The following TENM2 variants were observed in gnomAD, a reference collection of about 807,000 sequenced individuals.
The protein encoded by TENM2 is teneurin transmembrane protein 2.
A neutral mutation model predicts 245.2 loss-of-function variants in TENM2; 52 were observed. The observed-to-expected ratio is 0.21, with a 90% CI of 0.17 to 0.27. The LOEUF (loss-of-function observed/expected upper bound fraction) is 0.27, where lower values mean the gene tolerates loss of function less well. Among genes scored for constraint, TENM2 ranks in the 10% least tolerant of loss-of-function variants. The pLI is 1.00. For synonymous variants in TENM2, 1,363 were observed against 1,438.9 expected (o/e 0.95, Z 1.19); for missense variants, 3,046 against 3,666.8 (o/e 0.83, Z 4.37).
At chr5:167,525,740 A>G (rs933109122) in intron 2 of TENM2, among the ~76,000 whole-genome samples, 6 of 152,128 alleles carry the variant, frequency 3.9e-5, no homozygotes, top group African/African-American at 1.4e-4. Context: ...CAGGAGCTCT[A>G]TGGTAGGAAT....
intron 2 of TENM2, among the ~76,000 whole-genome samples, chr5:167,768,617 G>C (rs988709031): frequency 6.6e-6 from 1 of 152,138 alleles, no homozygotes; most frequent in Non-Finnish European, 1.5e-5. Context: ...GGGATCCCAA[G>C]CTCTAAAGTT....
the TENM2 span, among the ~76,000 whole-genome samples, chr5:167,151,925 A>G: frequency 6.6e-6 from 1 of 152,190 alleles, no homozygotes; most frequent in East Asian, 1.9e-4. Flanking sequence ...AGCAGCTCCA[A>G]GTCGAAAGGA....
At chr5:167,611,206 A>T (rs1777458474) in intron 2 of TENM2, among the ~76,000 whole-genome samples, 1 of 152,134 alleles carries the variant, frequency 6.6e-6, no homozygotes, top group Non-Finnish European at 1.5e-5. Flanking sequence ...CCCTTTTCAG[A>T]TCAGACTAGC....
intron 4 of TENM2, among the ~76,000 whole-genome samples, chr5:167,964,728 T>C (rs1781260964): frequency 6.6e-6 from 1 of 152,126 alleles, no homozygotes; most frequent in Non-Finnish European, 1.5e-5. Flanking sequence ...AAGAGTGCTC[T>C]AGATCACAAA....
chr5:167,164,555 G>T, the TENM2 span, among the ~76,000 whole-genome samples: 1 of 152,182 alleles, frequency 6.6e-6, no homozygotes, highest in Non-Finnish European at 1.5e-5. Context: ...ACCATAGAAA[G>T]AATAGTTCAA....
At chr5:167,351,154 T>G (rs1581812131) in intron 1 of TENM2, among the ~76,000 whole-genome samples, 1 of 117,002 alleles carries the variant, frequency 8.5e-6, no homozygotes, top group Admixed American at 1.3e-4. Context: ...ACATATGGAT[T>G]ATATATATAT....
At chr5:167,358,549 T>C (rs1007449999) in intron 1 of TENM2, among the ~76,000 whole-genome samples, 16 of 151,860 alleles carry the variant, frequency 1.1e-4, no homozygotes, top group African/African-American at 3.1e-4. Context: ...TGCTTTCTCT[T>C]CTTCACTCCA....
At chr5:167,209,864 C>T in the TENM2 span, among the ~76,000 whole-genome samples, 1 of 152,096 alleles carries the variant, frequency 6.6e-6, no homozygotes, top group Non-Finnish European at 1.5e-5. Flanking sequence ...TGCTTCTCTT[C>T]CCTTATTCAA....
chr5:167,869,891 A>C (rs1274329833), intron 2 of TENM2, among the ~76,000 whole-genome samples: 1 of 152,246 alleles, frequency 6.6e-6, no homozygotes, highest in African/African-American at 2.4e-5. Context: ...CCAGGTATTG[A>C]AAATATTTTT....
chr5:168,053,367 C>A (rs1789272221), intron 6 of TENM2, among the ~76,000 whole-genome samples: 1 of 152,106 alleles, frequency 6.6e-6, no homozygotes, highest in Non-Finnish European at 1.5e-5. Flanking sequence ...ATAATGAGAT[C>A]CAATTTCCCT....
intron 2 of TENM2, among the ~76,000 whole-genome samples, chr5:167,622,253 T>C (rs543947668): frequency 1.3e-3 from 194 of 152,256 alleles, no homozygotes; most frequent in Non-Finnish European, 2.2e-3. Flanking sequence ...AGCACCCCTC[T>C]GGGCTATTCA....
At chr5:168,109,257 G>A (rs1488026328) in intron 9 of TENM2, among the ~76,000 whole-genome samples, 5 of 152,200 alleles carry the variant, frequency 3.3e-5, no homozygotes, top group Non-Finnish European at 7.3e-5. Flanking sequence ...CTTGGTATAT[G>A]CTTTGCAGAC....
chr5:167,246,388 C>T, the TENM2 span, among the ~76,000 whole-genome samples: 2 of 152,030 alleles, frequency 1.3e-5, no homozygotes, highest in African/African-American at 4.8e-5. Context: ...ATGTTTTCTA[C>T]AATGAGCATA....
the TENM2 span, among the ~76,000 whole-genome samples, chr5:167,143,129 T>C: frequency 6.6e-6 from 1 of 152,168 alleles, no homozygotes; most frequent in African/African-American, 2.4e-5. Flanking sequence ...CCTCAAATTG[T>C]GAATTAGGGC....
intron 19 of TENM2, 101 bp from the exon 22 acceptor site, chr5:168,211,633 G>A: frequency 1.4e-6 from 1 of 713,180 alleles, no homozygotes; most frequent in Non-Finnish European, 2.3e-6. Flanking sequence ...TGCCTTTTTT[G>A]GGCCCCTTTA....
chr5:167,981,916 A>G (rs928011881), intron 4 of TENM2, among the ~76,000 whole-genome samples: 1 of 151,232 alleles, frequency 6.6e-6, no homozygotes. Flanking sequence ...GGAGGTTGCC[A>G]TGAGCTGACA....
At chr5:167,837,144 T>C (rs1335140359) in intron 2 of TENM2, among the ~76,000 whole-genome samples, 1 of 152,078 alleles carries the variant, frequency 6.6e-6, no homozygotes, top group African/African-American at 2.4e-5. Flanking sequence ...TCACATGATT[T>C]ACTATTCTTG....
intron 4 of TENM2, among the ~76,000 whole-genome samples, chr5:167,978,460 A>G (rs922706065): frequency 1.3e-5 from 2 of 152,256 alleles, no homozygotes; most frequent in Admixed American, 1.3e-4. Flanking sequence ...TGAAGTGCTG[A>G]TACATGCTAC....
At chr5:167,118,839 C>T in the TENM2 span, among the ~76,000 whole-genome samples, 1 of 152,124 alleles carries the variant, frequency 6.6e-6, no homozygotes, top group African/African-American at 2.4e-5. Context: ...GGAGTGAGTC[C>T]TCGTCCATCC....
Sources: gnomAD v4.1 joint callset for allele counts (sites outside exome capture counted in the v4.1 genomes callset) on GRCh38, gnomAD v4.1.1 for gene constraint, MANE v1.5 for transcripts, NCBI Gene and HGNC (gene_info 2026-07-23, HGNC 2026-07-21) for gene names.